Variants in PRKD1 observed in about 807,000 individuals in gnomAD.
PRKD1 encodes protein kinase D1, also known as serine/threonine-protein kinase D1.
PRKD1 carries 63 observed loss-of-function variants against 95.9 expected under a neutral mutation model. The ratio of observed to expected loss-of-function variants is 0.66; its 90% confidence interval spans 0.54 to 0.81. The LOEUF (loss-of-function observed/expected upper bound fraction) is 0.81, where lower values mean the gene tolerates loss of function less well. PRKD1 is among the 30% of genes least tolerant of loss of function. The pLI, the probability that PRKD1 is intolerant of heterozygous loss-of-function variation, is 0.00. For synonymous variants in PRKD1, 425 were observed against 423.1 expected, an observed-to-expected ratio of 1.00 and a Z score of -0.05; for missense variants, 1,048 against 1,165.3, an observed-to-expected ratio of 0.90 and a Z score of 1.47.
intron 1 of PRKD1, among the ~76,000 whole-genome samples, chr14:29,731,682 G>T (rs1361829124): frequency 1.3e-5 from 2 of 151,808 alleles, no homozygotes; most frequent in African/African-American, 4.8e-5. Flanking sequence ...CATAATATGT[G>T]GTGTCCCTCT....
At chr14:29,775,644 T>G (rs1888709208) in intron 1 of PRKD1, among the ~76,000 whole-genome samples, 3 of 152,118 alleles carry the variant, frequency 2.0e-5, no homozygotes, top group Admixed American at 2.0e-4. Context: ...ACAAAGCAGC[T>G]GCGAAGCTCA....
chr14:29,610,007 G>A (rs552107095), intron 13 of PRKD1, among the ~76,000 whole-genome samples: 23 of 152,218 alleles, frequency 1.5e-4, no homozygotes, highest in African/African-American at 5.5e-4. Context: ...CCCTATAAAA[G>A]GAGAAGTAGC....
intron 2 of PRKD1, among the ~76,000 whole-genome samples, chr14:29,697,025 T>C (rs1157877101): frequency 6.6e-6 from 1 of 152,068 alleles, no homozygotes; most frequent in East Asian, 1.9e-4. Flanking sequence ...AGTCCAGTTT[T>C]TTATGTGAAA....
chr14:29,787,417 C>T (rs982338275), intron 1 of PRKD1, among the ~76,000 whole-genome samples: 1 of 151,902 alleles, frequency 6.6e-6, no homozygotes, highest in Admixed American at 6.6e-5. Context: ...CTTTCCAGTG[C>T]TAACAGTGAG....
At chr14:29,778,502 A>G (rs901069527) in intron 1 of PRKD1, among the ~76,000 whole-genome samples, 1 of 152,250 alleles carries the variant, frequency 6.6e-6, no homozygotes, top group African/African-American at 2.4e-5. Context: ...ACAGAATATC[A>G]AAAACATCTC....
At chr14:29,594,992 CT>C (rs113886267) in intron 16 of PRKD1, among the ~76,000 whole-genome samples, 264 of 145,556 alleles carry the variant, frequency 1.8e-3, no homozygotes, top group Admixed American at 2.1e-3. Flanking sequence ...AGCTAGGTAA[CT>C]TTTTTTTTTT....
At chr14:29,799,134 T>C (rs1450477708) in intron 1 of PRKD1, among the ~76,000 whole-genome samples, 1 of 152,244 alleles carries the variant, frequency 6.6e-6, no homozygotes, top group Non-Finnish European at 1.5e-5. Flanking sequence ...AACCTAAAAG[T>C]ATTAAAATAG....
Position 29,599,641 on chromosome 14 carries a change from T to C in PRKD1, c.2067+15A>G, listed in dbSNP as rs112864557. Reference sequence around the variant, plus strand: ...TTAAATATTGTATTTTTTCCGTCTCTAATTGATTTCTTACCTGAGTAATTA... The same window carrying C: ...TTAAATATTGTATTTTTTCCGTCTCCAATTGATTTCTTACCTGAGTAATTA... On this transcript the variant is annotated intron_variant, in intron 14 of 17. Transcript: ENST00000331968. 6.3e-7 allele frequency: 1 copy of C among 1,599,850 alleles called. No homozygotes were observed. The highest frequency in any genetic ancestry group is 8.5e-7 in the Non-Finnish European group (1 of 1,172,024).
Position 29,765,528 on chromosome 14 carries a change from C to T in PRKD1, c.265-39854G>A, listed in dbSNP as rs1888219322. On this transcript the variant is annotated intron_variant, in intron 1 of 17. Coordinates refer to ENST00000331968, the MANE Select transcript of PRKD1 (RefSeq NM_002742.3). ...ATATGCTATAGAAGTTCCACTCCTC[C>T]ATATACCCTACAAAACATCATGCAT... Among the ~76,000 whole-genome samples, 2 of 152,234 alleles carry T rather than the reference C, an allele frequency of 1.3e-5. 1 individual carries two copies. Among genetic ancestry groups the T allele is most frequent in the South Asian group, 4.1e-4 (2 of 4,826 alleles).
chr14:29,633,274 T>C (rs1880150575), intron 8 of PRKD1, among the ~76,000 whole-genome samples: 2 of 152,144 alleles, frequency 1.3e-5, no homozygotes, highest in Admixed American at 6.6e-5. Context: ...GGGCTAAAGG[T>C]GGATGTATAG....
intron 4 of PRKD1, among the ~76,000 whole-genome samples, chr14:29,662,579 T>C (rs1441826346): frequency 2.0e-5 from 3 of 152,256 alleles, no homozygotes; most frequent in Non-Finnish European, 2.9e-5. Flanking sequence ...GAGAGCCTTA[T>C]AAAAGAGTAT....
chr14:29,765,677 T>G (rs1004287518), intron 1 of PRKD1, among the ~76,000 whole-genome samples: 2 of 152,144 alleles, frequency 1.3e-5, no homozygotes, highest in Admixed American at 1.3e-4. Flanking sequence ...TATAGGCACA[T>G]GGTGGAATTT....
Position 29,827,211 on chromosome 14 carries a change from C to T in PRKD1, c.264+100038G>A, listed in dbSNP as rs118056906. Among the ~76,000 whole-genome samples, 754 of 151,834 alleles carry T rather than the reference C, an allele frequency of 5.0e-3. 2 individuals are homozygous for T. The highest frequency in any genetic ancestry group is 0.011 in the Admixed American group (171 of 15,228). On this transcript the variant is annotated intron_variant, in intron 1 of 17. Coordinates refer to ENST00000331968, the MANE Select transcript of PRKD1 (RefSeq NM_002742.3). ...CATGTAACCAAATACCACCTGTTCC[C>T]CCCAAATCTAGCAAATAATTTTTTT...
chr14:29,830,394 G>A (rs1566624901), intron 1 of PRKD1, among the ~76,000 whole-genome samples: 2 of 151,982 alleles, frequency 1.3e-5, no homozygotes, highest in South Asian at 2.1e-4. Context: ...ATTAAATTAT[G>A]CACATTGTCA....
At chr14:29,832,729 ATTTGC>A in intron 1 of PRKD1, among the ~76,000 whole-genome samples, 1 of 152,192 alleles carries the variant, frequency 6.6e-6, no homozygotes. Flanking sequence ...AATACTATTC[ATTTGC>A]TTTAAGTGGA....
At chr14:29,589,454 A>G (rs1275959426) in intron 16 of PRKD1, among the ~76,000 whole-genome samples, 1 of 152,162 alleles carries the variant, frequency 6.6e-6, no homozygotes, top group East Asian at 1.9e-4. Flanking sequence ...GAGCAAATAA[A>G]GGAATGTAGG....
chr14:29,798,335 G>C (rs1007178047), intron 1 of PRKD1, among the ~76,000 whole-genome samples: 95 of 152,276 alleles, frequency 6.2e-4, no homozygotes, highest in African/African-American at 2.0e-3. Flanking sequence ...ATATTCATAA[G>C]CTGTCTGAAG....
chr14:29,600,490 G>C (rs751849413), intron 13 of PRKD1, among the ~76,000 whole-genome samples: 2 of 152,082 alleles, frequency 1.3e-5, no homozygotes, highest in Non-Finnish European at 2.9e-5. Flanking sequence ...GATATTTTTC[G>C]ATAAGTACAG....
intron 9 of PRKD1, among the ~76,000 whole-genome samples, chr14:29,632,159 C>T (rs1273351856): frequency 1.3e-5 from 2 of 152,116 alleles, no homozygotes; most frequent in Non-Finnish European, 2.9e-5. Flanking sequence ...ACTGCATCTT[C>T]CAGGAAGTAT....
Sources: gnomAD v4.1 joint callset for allele counts (sites outside exome capture counted in the v4.1 genomes callset) on GRCh38, gnomAD v4.1.1 for gene constraint, MANE v1.5 for transcripts, NCBI Gene and HGNC (gene_info 2026-07-23, HGNC 2026-07-21) for gene names.